Variants in ADGRV1 observed in about 807,000 individuals in gnomAD.
ADGRV1 encodes G-protein coupled receptor 98.
ADGRV1 carries 359 observed loss-of-function variants against 596.2 expected under a neutral mutation model. The ratio of observed to expected loss-of-function variants is 0.60; its 90% CI spans 0.55 to 0.66. The LOEUF (loss-of-function observed/expected upper bound fraction) is 0.66, where lower values mean the gene tolerates loss of function less well. Among genes scored for constraint, ADGRV1 ranks in the 30% least tolerant of loss-of-function variants. The pLI, the probability that ADGRV1 is intolerant of heterozygous loss-of-function variation, is 0.00. For synonymous variants in ADGRV1, 2,681 were observed against 2,679.2 expected (o/e 1.00, Z -0.02); for missense variants, 7,274 against 7,575.6 (o/e 0.96, Z 1.48).
chr5:91,090,818 G>A lies in ADGRV1; in HGVS notation c.18311-11401G>A, dbSNP rs138785668. 1.3e-3 allele frequency among the ~76,000 whole-genome samples: 205 copies of A among 152,148 alleles called. 1 individual carries two copies. Among genetic ancestry groups the A allele is most frequent in the Admixed American group, 5.2e-3 (80 of 15,264 alleles). ...CTTCTAAAGCAAAAATTTAAAAATTGTGGGTCACACAGTGCATTGATGAGT... is the reference window on the plus strand; with the variant it reads ...CTTCTAAAGCAAAAATTTAAAAATTATGGGTCACACAGTGCATTGATGAGT... On this transcript the variant is annotated intron_variant, in intron 86 of 89. Transcript: ENST00000405460.
At chr5:90,806,893 C>T (rs1761951230) in intron 72 of ADGRV1, among the ~76,000 whole-genome samples, 1 of 151,690 alleles carries the variant, frequency 6.6e-6, no homozygotes, top group South Asian at 2.1e-4. Flanking sequence ...TGCTCTGTCA[C>T]CCATGCTGGA....
chr5:90,778,749 T>G (rs1022309354), intron 63 of ADGRV1, 116 bp from the exon 64 acceptor site: 2 of 1,059,720 alleles, frequency 1.9e-6, no homozygotes, highest in Non-Finnish European at 2.7e-6. Context: ...TCTATATAAT[T>G]TTATAACCTT....
chr5:91,102,736 A>G (rs979109302), intron 87 of ADGRV1, among the ~76,000 whole-genome samples: 15 of 152,222 alleles, frequency 9.9e-5, no homozygotes, highest in African/African-American at 3.4e-4. Context: ...GTGATGTTCA[A>G]GCAGTCCCCT....
chr5:91,014,172 ACACC>A (rs1355064767), intron 85 of ADGRV1, among the ~76,000 whole-genome samples: 77 of 150,682 alleles, frequency 5.1e-4, no homozygotes, highest in Non-Finnish European at 7.6e-4. Context: ...ACACACACAC[ACACC>A]CCTAGACATA....
At position 91,094,186 on chromosome 5, in the gene ADGRV1, A is replaced by G. The variant is rs577432321; in HGVS notation, c.18311-8033A>G. Among the ~76,000 whole-genome samples the G allele has an allele frequency of 1.7e-3, 253 of 152,168 alleles. 1 individual carries two copies. Among genetic ancestry groups the G allele is most frequent in the South Asian group, 7.5e-3 (36 of 4,816 alleles). ...TAAAAGATGTTTCTCTGGGCCGGGC[A>G]CAGTGGCTCACGCCTATAAACCCAG... On this transcript the variant is annotated intron_variant, in intron 86 of 89. Transcript: ENST00000405460.
intron 88 of ADGRV1, among the ~76,000 whole-genome samples, chr5:91,152,236 G>A (rs1164902534): frequency 6.6e-6 from 1 of 152,112 alleles, no homozygotes; most frequent in African/African-American, 2.4e-5. Flanking sequence ...AAGGATTAAG[G>A]GGTTGTTTAC....
chr5:90,731,971 A>G (rs1031323387), intron 50 of ADGRV1, among the ~76,000 whole-genome samples: 1 of 152,202 alleles, frequency 6.6e-6, no homozygotes, highest in African/African-American at 2.4e-5. Context: ...TGTCTGGTTT[A>G]ATACATGGTA....
intron 85 of ADGRV1, among the ~76,000 whole-genome samples, chr5:91,063,808 T>A (rs1787652227): frequency 6.6e-6 from 1 of 152,158 alleles, no homozygotes; most frequent in Non-Finnish European, 1.5e-5. Context: ...GGGAAACTTG[T>A]GAAACTGCAG....
At chr5:90,774,371 C>G in intron 60 of ADGRV1, 68 bp downstream of exon 60, 1 of 871,804 alleles carries the variant, frequency 1.1e-6, no homozygotes, top group Non-Finnish European at 1.9e-6. Flanking sequence ...AAAAATAACC[C>G]GTAGTTACAA....
intron 83 of ADGRV1, among the ~76,000 whole-genome samples, chr5:90,961,511 G>A (rs796645893): frequency 2.8e-5 from 4 of 145,448 alleles, no homozygotes; most frequent in Admixed American, 6.7e-5. Flanking sequence ...AAAAAAAGGG[G>A]GGGTGGCGGT....
intron 86 of ADGRV1, among the ~76,000 whole-genome samples, chr5:91,095,204 G>A (rs528930220): frequency 1.8e-4 from 28 of 151,408 alleles, no homozygotes; most frequent in Non-Finnish European, 3.4e-4. Context: ...TGCAAACCCA[G>A]TATTTTTTTT....
intron 83 of ADGRV1, among the ~76,000 whole-genome samples, chr5:90,939,402 G>A (rs554123788): frequency 1.3e-5 from 2 of 152,282 alleles, no homozygotes; most frequent in East Asian, 3.9e-4. Flanking sequence ...GTTAATTTGA[G>A]TTCATTATTC....
rs781001632 is a variant in ADGRV1 at position 90,635,218 on chromosome 5, A to G, written c.1944A>G (p.Ala648=). Residue 648 remains alanine, a synonymous_variant, in exon 10 of 90, where the codon GCA becomes GCG. Transcript: ENST00000405460. ...CTTTACTGGTTACTCCAGCCATTGC[A>G]AATGGAGAAATTGGCTTTCTCAGCA... ...NISLLVTPAI[A]NGEIGFLSNL... is the part of the protein sequence containing the mutation. 30 of 1,613,262 alleles carry G rather than the reference A, an allele frequency of 1.9e-5. No homozygotes were observed. The South Asian group carries it at 2.8e-4, about 15-fold the overall frequency.
chr5:90,582,278 T>C (rs1302429769), intron 1 of ADGRV1, among the ~76,000 whole-genome samples: 1 of 152,318 alleles, frequency 6.6e-6, no homozygotes, highest in South Asian at 2.1e-4. Flanking sequence ...TGTCTAACAC[T>C]GTCAGTGGAA....
intron 86 of ADGRV1, among the ~76,000 whole-genome samples, chr5:91,072,861 C>T (rs1389326327): frequency 6.6e-6 from 1 of 152,104 alleles, no homozygotes; most frequent in Non-Finnish European, 1.5e-5. Context: ...TGAGTCGCAG[C>T]CTTGGGAGCC....
chr5:90,884,177 A>G (rs1236048987), intron 83 of ADGRV1, among the ~76,000 whole-genome samples: 1 of 152,112 alleles, frequency 6.6e-6, no homozygotes, highest in Non-Finnish European at 1.5e-5. Flanking sequence ...TGTCCTGTGT[A>G]TTGTAGGATG....
In ADGRV1 at chr5:91,153,242, G is replaced by A; in HGVS notation, c.18646G>A (p.Ala6216Thr). ...MEEVPPDWER[A>T]SFQQGSQASP... Reference sequence around the variant, plus strand: ...AAAGGTGCCACCTGACTGGGAGAGAGCATCCTTCCAACAGGGCAGTCAGGC... The same window carrying A: ...AAAGGTGCCACCTGACTGGGAGAGAACATCCTTCCAACAGGGCAGTCAGGC... Residue 6216 changes from alanine (A) to threonine (T), a missense_variant, in exon 89 of 90, where the codon GCA becomes ACA. Physicochemically the swap from Ala to Thr is moderately conservative, Grantham distance 58. Coordinates refer to ENST00000405460, the MANE Select transcript of ADGRV1 (RefSeq NM_032119.4). The A allele has an allele frequency of 6.2e-7, 1 of 1,607,574 alleles. No homozygotes were observed. The highest frequency in any genetic ancestry group is 8.5e-7 in the Non-Finnish European group (1 of 1,176,914).
intron 84 of ADGRV1, among the ~76,000 whole-genome samples, chr5:90,968,567 A>G (rs773717209): frequency 6.6e-6 from 1 of 152,180 alleles, no homozygotes; most frequent in Non-Finnish European, 1.5e-5. Context: ...CACATTTTTC[A>G]TGGTTTGTGA....
intron 83 of ADGRV1, among the ~76,000 whole-genome samples, chr5:90,902,611 T>C (rs1453476536): frequency 6.6e-6 from 1 of 152,176 alleles, no homozygotes; most frequent in Non-Finnish European, 1.5e-5. Context: ...AGGGCAATTG[T>C]TGTCTTACTT....
Sources: allele counts gnomAD v4.1 joint callset (sites outside exome capture counted in the v4.1 genomes callset), GRCh38; gene constraint gnomAD v4.1.1; transcripts MANE v1.5; gene names NCBI Gene and HGNC (gene_info 2026-07-23, HGNC 2026-07-21).